The following FNDC3B variants were observed in gnomAD, a reference collection of about 807,000 sequenced individuals.
FNDC3B encodes the protein fibronectin type III domain-containing protein 3B.
FNDC3B carries 12 observed loss-of-function variants against 151.5 expected under a neutral mutation model. The observed-to-expected ratio is 0.08, with a 90% confidence interval of 0.05 to 0.13. FNDC3B has a LOEUF of 0.13. FNDC3B is among the 10% of genes least tolerant of loss of function. The pLI is 1.00. For synonymous variants in FNDC3B, 528 were observed against 549.0 expected (o/e 0.96, Z 0.54); for missense variants, 1,214 against 1,505.3 (o/e 0.81, Z 3.20).
intron 3 of FNDC3B, among the ~76,000 whole-genome samples, chr3:172,158,186 G>C (rs1424216922): frequency 6.6e-6 from 1 of 152,200 alleles, no homozygotes; most frequent in African/African-American, 2.4e-5. Flanking sequence ...ACAGCAGCCT[G>C]AATGGACTAA....
At chr3:172,339,189 AT>A (rs1028048776) in intron 16 of FNDC3B, among the ~76,000 whole-genome samples, 1 of 152,156 alleles carries the variant, frequency 6.6e-6, no homozygotes, top group Non-Finnish European at 1.5e-5. Context: ...GTTGGTTCCT[AT>A]TTTAAGCTGA....
chr3:172,362,446 G>A (rs1380434531), intron 22 of FNDC3B, among the ~76,000 whole-genome samples, 187 bp from the exon 23 acceptor site: 1 of 151,750 alleles, frequency 6.6e-6, no homozygotes, highest in Non-Finnish European at 1.5e-5. Context: ...TTTAAATGGA[G>A]ACTATAGTCT....
chr3:172,286,976 G>A (rs1428070136), intron 7 of FNDC3B, among the ~76,000 whole-genome samples: 1 of 152,142 alleles, frequency 6.6e-6, no homozygotes, highest in Non-Finnish European at 1.5e-5. Flanking sequence ...GGCAGCAGGG[G>A]ACAGATACAA....
chr3:172,328,015 TA>T (rs1469142556), intron 11 of FNDC3B, among the ~76,000 whole-genome samples: 1 of 152,234 alleles, frequency 6.6e-6, no homozygotes, highest in African/African-American at 2.4e-5. Context: ...TGGATATGGG[TA>T]GGAAATATTC....
intron 11 of FNDC3B, among the ~76,000 whole-genome samples, chr3:172,319,059 G>A (rs6793982): frequency 0.061 from 9,259 of 152,214 alleles, 1,010 homozygotes; most frequent in African/African-American, 0.21. Context: ...ACCATTTCTC[G>A]CATGTGTACA....
chr3:172,211,594 C>G (rs1725733784), intron 3 of FNDC3B, among the ~76,000 whole-genome samples: 1 of 152,142 alleles, frequency 6.6e-6, no homozygotes, highest in Non-Finnish European at 1.5e-5. Context: ...TGATTTTTGC[C>G]TGTAGAAGAG....
chr3:172,231,456 G>A (rs1400424782), intron 4 of FNDC3B, among the ~76,000 whole-genome samples: 1 of 152,136 alleles, frequency 6.6e-6, no homozygotes, highest in Admixed American at 6.5e-5. Context: ...TCTCAATAAA[G>A]CTAGTACAAA....
At chr3:172,219,549 G>A (rs1264669361) in intron 3 of FNDC3B, among the ~76,000 whole-genome samples, 1 of 152,154 alleles carries the variant, frequency 6.6e-6, no homozygotes, top group East Asian at 1.9e-4. Flanking sequence ...CACTACCTCT[G>A]TTTCCAAAAC....
At chr3:172,299,864 A>G (rs576297133) in intron 9 of FNDC3B, among the ~76,000 whole-genome samples, 1 of 152,310 alleles carries the variant, frequency 6.6e-6, no homozygotes, top group South Asian at 2.1e-4. Flanking sequence ...ATTCACATAG[A>G]ACGCTCTGCC....
chr3:172,373,715 C>T (rs1478756413), intron 23 of FNDC3B, among the ~76,000 whole-genome samples: 1 of 152,118 alleles, frequency 6.6e-6, no homozygotes, highest in Non-Finnish European at 1.5e-5. Flanking sequence ...TGGTTCTAGC[C>T]ACAGGGGTGT....
Position 172,401,620 on chromosome 3 carries a change from T to TCAACAA in FNDC3B, c.*4160_*4165dup, listed in dbSNP as rs751660814. 2 of 152,120 alleles carry TCAACAA rather than the reference T, an allele frequency of 1.3e-5. No homozygotes were observed. Among genetic ancestry groups the TCAACAA allele is most frequent in the Non-Finnish European group, 2.9e-5 (2 of 68,044 alleles). The allele number at this position is 152,120 out of a possible 1,614,324, so 9.4% of individuals were successfully genotyped here. On this transcript the variant is annotated 3_prime_UTR_variant, in exon 26 of 26. Coordinates refer to ENST00000415807, the MANE Select transcript of FNDC3B (RefSeq NM_022763.4). Reference sequence around the variant, plus strand: ...TCATGTCCTTTCCTGCAGGTCTCATTCAACAACAACAACAACAACAGCAAT... The same window carrying TCAACAA: ...TCATGTCCTTTCCTGCAGGTCTCATTCAACAACAACAACAACAACAACAACAGCAAT...
intron 1 of FNDC3B, among the ~76,000 whole-genome samples, chr3:172,065,094 G>T (rs1576830451): frequency 6.6e-6 from 1 of 152,334 alleles, no homozygotes; most frequent in East Asian, 1.9e-4. Context: ...AGCACTTTGG[G>T]AGTCTGAGGC....
chr3:172,394,109 A>AAAAAAAAAAAAAAAAAAAAAC (rs1736157631), intron 25 of FNDC3B, among the ~76,000 whole-genome samples: 1 of 88,926 alleles, frequency 1.1e-5, no homozygotes, highest in Non-Finnish European at 2.1e-5. Context: ...CTCCTTCTAA[A>AAAAAAAAAAAAAAAAAAAAAC]AAAAAAAAAA....
chr3:172,215,554 T>A (rs1401361705), intron 3 of FNDC3B, among the ~76,000 whole-genome samples: 2 of 152,142 alleles, frequency 1.3e-5, no homozygotes, highest in Non-Finnish European at 2.9e-5. Flanking sequence ...TGAAACCCTG[T>A]CTCTACTAAA....
intron 1 of FNDC3B, among the ~76,000 whole-genome samples, chr3:172,061,234 T>A (rs1022144295): frequency 4.9e-5 from 7 of 141,548 alleles, no homozygotes; most frequent in Non-Finnish European, 9.3e-5. Flanking sequence ...TGCACATTAC[T>A]TTTTTTTTTT....
intron 23 of FNDC3B, among the ~76,000 whole-genome samples, chr3:172,370,985 G>T (rs554821383): frequency 6.6e-6 from 1 of 152,186 alleles, no homozygotes; most frequent in South Asian, 2.1e-4. Flanking sequence ...TTTACGTTAG[G>T]GTTTACTCTT....
chr3:172,322,415 C>G (rs549631547), intron 11 of FNDC3B, among the ~76,000 whole-genome samples: 3 of 152,260 alleles, frequency 2.0e-5, no homozygotes, highest in Non-Finnish European at 2.9e-5. Context: ...TCCACTCCAG[C>G]CTTTTGGTTA....
Position 172,251,364 on chromosome 3 carries a change from C to A in FNDC3B, c.613C>A (p.Arg205Ser), listed in dbSNP as rs371734932. The A allele has an allele frequency of 4.3e-6, 7 of 1,614,104 alleles. No homozygotes were observed. The highest frequency in any genetic ancestry group is 5.9e-6 in the Non-Finnish European group (7 of 1,180,012). The change falls in exon 6 of 26, where the codon CGC (arginine) becomes AGC (serine). Residue 205 changes from arginine to serine, a missense_variant. Arg to Ser is a moderately radical substitution (Grantham distance 110). This residue lies in a region of FNDC3B where 166 missense variants were observed against 173.2 expected (regional missense o/e 0.96). Coordinates refer to ENST00000415807, the MANE Select transcript of FNDC3B (RefSeq NM_022763.4). Reference sequence around the variant, plus strand: ...AGACCGCCAGATCGATCGCCAGAACCGCCTCAACAGCCCTCCTTCTTCTAT... The same window carrying A: ...AGACCGCCAGATCGATCGCCAGAACAGCCTCAACAGCCCTCCTTCTTCTAT... Reference protein sequence around the residue: ...LKDRQIDRQNRLNSPPSSIYK... With the variant: ...LKDRQIDRQNSLNSPPSSIYK...
intron 2 of FNDC3B, among the ~76,000 whole-genome samples, chr3:172,123,409 T>TG (rs1321269703): frequency 6.6e-6 from 1 of 152,080 alleles, no homozygotes; most frequent in Non-Finnish European, 1.5e-5. Context: ...TTTTTTGAGT[T>TG]GGGGTCTCAT....
Sources: allele counts gnomAD v4.1 joint callset (sites outside exome capture counted in the v4.1 genomes callset), GRCh38; gene constraint gnomAD v4.1.1; regional missense constraint gnomAD v4.1.1; transcripts MANE v1.5; gene names NCBI Gene and HGNC (gene_info 2026-07-23, HGNC 2026-07-21).